The following ROBO2 variants were observed in gnomAD, a reference collection of about 807,000 sequenced individuals.
The protein encoded by ROBO2 is roundabout homolog 2.
A neutral mutation model predicts 160.8 loss-of-function variants in ROBO2; 53 were observed. That is an observed-to-expected ratio of 0.33 (90% CI 0.26 to 0.41). The LOEUF (loss-of-function observed/expected upper bound fraction) is 0.41, where lower values mean the gene tolerates loss of function less well. Ranked by LOEUF, ROBO2 falls within the 10% of genes least tolerant of loss-of-function variation. The pLI is 1.00. For missense variants in ROBO2, 1,577 were observed against 1,722.4 expected, an observed-to-expected ratio of 0.92 and a Z score of 1.49; for synonymous variants, 664 against 611.7, an observed-to-expected ratio of 1.09 and a Z score of -1.26.
At chr3:76,529,743 C>CACTACTCTAG (rs2108031244) in intron 2 of ROBO2, among the ~76,000 whole-genome samples, 1 of 152,196 alleles carries the variant, frequency 6.6e-6, no homozygotes, top group East Asian at 1.9e-4. Flanking sequence ...TAGAGTAAAG[C>CACTACTCTAG]ATGTTGTCTT....
At position 76,460,145 on chromosome 3, in the gene ROBO2, TA is replaced by T. The variant is rs541002198; in HGVS notation, c.109+522552del. Among the ~76,000 whole-genome samples the T allele has an allele frequency of 8.7e-3, 1,314 of 150,490 alleles. 15 individuals are homozygous for T. Among genetic ancestry groups the T allele is most frequent in the Non-Finnish European group, 0.014 (940 of 67,574 alleles). Reference sequence around the variant, plus strand: ...GTTTTATAAAGAGTATTTACATTTATAAAAAAAAACTGAGCACAAAGATGCA... The same window carrying T: ...GTTTTATAAAGAGTATTTACATTTATAAAAAAAACTGAGCACAAAGATGCA... On this transcript the variant is annotated intron_variant, in intron 2 of 26. Transcript: ENST00000487694.
intron 2 of ROBO2, among the ~76,000 whole-genome samples, chr3:77,362,597 G>A (rs1210200976): frequency 6.6e-6 from 1 of 152,094 alleles, no homozygotes; most frequent in Non-Finnish European, 1.5e-5. Flanking sequence ...GAGGCTGACT[G>A]AATTTTGGTT....
At chr3:76,861,718 G>A (rs1490934765) in intron 2 of ROBO2, among the ~76,000 whole-genome samples, 2 of 152,068 alleles carry the variant, frequency 1.3e-5, no homozygotes, top group African/African-American at 2.4e-5. Flanking sequence ...TAAAGTCAAA[G>A]TTTATGAATC....
chr3:76,292,389 A>G (rs556038329), intron 2 of ROBO2, among the ~76,000 whole-genome samples: 25 of 152,306 alleles, frequency 1.6e-4, no homozygotes, highest in African/African-American at 5.8e-4. Context: ...ATCCTTCACT[A>G]CTAAAGAAAC....
intron 2 of ROBO2, among the ~76,000 whole-genome samples, chr3:77,204,485 A>G (rs1339377706): frequency 1.3e-5 from 2 of 152,278 alleles, no homozygotes; most frequent in Non-Finnish European, 1.5e-5. Flanking sequence ...TTATGGCAAG[A>G]GTTTTGTAGC....
intron 2 of ROBO2, among the ~76,000 whole-genome samples, chr3:76,625,991 T>C (rs1409043280): frequency 1.3e-5 from 2 of 152,164 alleles, no homozygotes; most frequent in Non-Finnish European, 2.9e-5. Flanking sequence ...ATTATTGCAA[T>C]AGCCCAGTGT....
chr3:76,609,504 A>AT (rs143067153), intron 2 of ROBO2, among the ~76,000 whole-genome samples: 4,937 of 147,322 alleles, frequency 0.034, 214 homozygotes, highest in African/African-American at 0.11. Context: ...TTGCTCTTCG[A>AT]TTTTTTTTTT....
chr3:77,203,383 T>C (rs559424578), intron 2 of ROBO2, among the ~76,000 whole-genome samples: 1 of 152,314 alleles, frequency 6.6e-6, no homozygotes, highest in South Asian at 2.1e-4. Context: ...AATTTGCAAA[T>C]AATCTTAGGT....
chr3:76,835,032 AT>A (rs1434820875), intron 2 of ROBO2, among the ~76,000 whole-genome samples: 5 of 152,158 alleles, frequency 3.3e-5, no homozygotes, highest in Admixed American at 6.6e-5. Flanking sequence ...AATATTAAGA[AT>A]TTTTATAAAA....
At chr3:77,233,290 A>G (rs955427410) in intron 2 of ROBO2, among the ~76,000 whole-genome samples, 3 of 152,202 alleles carry the variant, frequency 2.0e-5, no homozygotes, top group African/African-American at 7.2e-5. Flanking sequence ...TGATTAAAAT[A>G]ATGCAAAAGA....
intron 24 of ROBO2, among the ~76,000 whole-genome samples, chr3:77,642,013 G>A (rs576664409): frequency 6.6e-6 from 1 of 152,098 alleles, no homozygotes; most frequent in South Asian, 2.1e-4. Context: ...TCTGAACATT[G>A]GTTATTACTT....
At position 76,810,723 on chromosome 3, in the gene ROBO2, A is replaced by G. The variant is rs367776611; in HGVS notation, c.110-287291A>G. ...TTTTAGGTACAATATTTTATGTAAC[A>G]TTACCCAAGAAATGGTGAAAAGCTA... On this transcript the variant is annotated intron_variant, in intron 2 of 26. Coordinates refer to the ROBO2 transcript ENST00000487694. Among the ~76,000 whole-genome samples the G allele has an allele frequency of 8.5e-4, 130 of 152,320 alleles. 2 individuals carry two copies. The highest frequency in any genetic ancestry group is 3.0e-3 in the African/African-American group (126 of 41,574).
chr3:76,882,322 T>C (rs1446566178), intron 2 of ROBO2, among the ~76,000 whole-genome samples: 1 of 152,142 alleles, frequency 6.6e-6, no homozygotes, highest in Non-Finnish European at 1.5e-5. Context: ...GGCAATCTCT[T>C]AGTGTCACAT....
chr3:76,606,814 C>A (rs1463348409), intron 2 of ROBO2, among the ~76,000 whole-genome samples: 1 of 151,580 alleles, frequency 6.6e-6, no homozygotes, highest in Non-Finnish European at 1.5e-5. Context: ...AGGAGAGGTC[C>A]CATTCTGTTA....
At chr3:76,090,801 T>G (rs1012330169) in intron 2 of ROBO2, among the ~76,000 whole-genome samples, 5 of 152,096 alleles carry the variant, frequency 3.3e-5, no homozygotes, top group African/African-American at 1.2e-4. Context: ...CCCACATAAA[T>G]GGAGTTAACT....
chr3:76,389,148 G>T (rs1236377262), intron 2 of ROBO2, among the ~76,000 whole-genome samples: 2 of 152,184 alleles, frequency 1.3e-5, no homozygotes, highest in African/African-American at 4.8e-5. Context: ...TTGATTTTGG[G>T]TATGCAGGTC....
At chr3:77,507,980 A>C (rs980414250) in intron 5 of ROBO2, among the ~76,000 whole-genome samples, 1 of 152,048 alleles carries the variant, frequency 6.6e-6, no homozygotes, top group African/African-American at 2.4e-5. Context: ...AGAGTGTTGC[A>C]TATTAAGGAC....
intron 21 of ROBO2, 117 bp downstream of exon 22, chr3:77,608,071 C>G: frequency 1.1e-6 from 1 of 880,044 alleles, no homozygotes; most frequent in Non-Finnish European, 1.9e-6. Context: ...CCACCATGTT[C>G]ATTGCATTTC....
chr3:76,398,118 A>G (rs1228616726), intron 2 of ROBO2, among the ~76,000 whole-genome samples: 1 of 152,140 alleles, frequency 6.6e-6, no homozygotes, highest in Non-Finnish European at 1.5e-5. Context: ...AATGTGGCAC[A>G]TATACAGCAT....
Sources: gnomAD v4.1 joint callset for allele counts (sites outside exome capture counted in the v4.1 genomes callset) on GRCh38, gnomAD v4.1.1 for gene constraint, MANE v1.5 for transcripts, NCBI Gene and HGNC (gene_info 2026-07-23, HGNC 2026-07-21) for gene names.